The following KATNIP variants were observed in gnomAD, a reference collection of about 807,000 sequenced individuals.
The protein encoded by KATNIP is katanin interacting protein, also known as katanin-interacting protein.
Under a neutral mutation model 174.0 loss-of-function variants are expected in KATNIP, and 126 were observed. The observed-to-expected ratio is 0.72, with a 90% CI of 0.63 to 0.84. The LOEUF is 0.84. Among genes scored for constraint, KATNIP ranks in the 40% least tolerant of loss-of-function variants. The pLI, the probability that KATNIP is intolerant of heterozygous loss-of-function variation, is 0.00. For missense variants in KATNIP, 1,958 were observed against 2,109.7 expected (o/e 0.93, Z 1.41); for synonymous variants, 810 against 835.7 (o/e 0.97, Z 0.53).
intron 5 of KATNIP, among the ~76,000 whole-genome samples, chr16:27,647,823 A>AT (rs1303737111): frequency 1.3e-5 from 2 of 151,878 alleles, no homozygotes; most frequent in African/African-American, 2.4e-5. Flanking sequence ...AATTTTTTAA[A>AT]TTTTTTTGTA....
At chr16:27,694,814 T>G (rs2142945091) in intron 8 of KATNIP, among the ~76,000 whole-genome samples, 1 of 151,864 alleles carries the variant, frequency 6.6e-6, no homozygotes, top group Non-Finnish European at 1.5e-5. Flanking sequence ...AATAAATAAA[T>G]AAATAAATTT....
chr16:27,592,108 C>A (rs1388352573), intron 2 of KATNIP, among the ~76,000 whole-genome samples: 2 of 152,036 alleles, frequency 1.3e-5, no homozygotes, highest in African/African-American at 4.8e-5. Flanking sequence ...CATGACATGC[C>A]ACCCTTCCAG....
chr16:27,660,018 C>T (rs1159024130), intron 6 of KATNIP: 2 of 983,734 alleles, frequency 2.0e-6, no homozygotes, highest in East Asian at 1.1e-4. Context: ...CTGAGGATGT[C>T]GGAGTTTGCG....
At chr16:27,630,935 A>T in intron 4 of KATNIP, 130 bp from the exon 5 acceptor site, 1 of 674,556 alleles carries the variant, frequency 1.5e-6, no homozygotes, top group Non-Finnish European at 2.6e-6. Flanking sequence ...ACCACGCTGT[A>T]GTCAATGTCC....
intron 18 of KATNIP, among the ~76,000 whole-genome samples, chr16:27,759,313 T>G (rs1263699387): frequency 3.9e-5 from 6 of 152,078 alleles, no homozygotes; most frequent in Non-Finnish European, 7.4e-5. Flanking sequence ...GGTAAGGATG[T>G]AGAGAGTGAT....
intron 2 of KATNIP, among the ~76,000 whole-genome samples, chr16:27,613,875 C>T (rs916183493): frequency 2.6e-5 from 4 of 152,142 alleles, no homozygotes; most frequent in African/African-American, 4.8e-5. Context: ...CCTCTGTAGG[C>T]ACCTCCAGAA....
intron 1 of KATNIP, among the ~76,000 whole-genome samples, chr16:27,557,767 T>C (rs2089690271): frequency 6.6e-6 from 1 of 152,202 alleles, no homozygotes; most frequent in African/African-American, 2.4e-5. Context: ...ACAAGTGGGC[T>C]GAAACAGCCC....
intron 16 of KATNIP, among the ~76,000 whole-genome samples, chr16:27,750,855 A>G (rs568939406): frequency 1.4e-5 from 2 of 144,310 alleles, no homozygotes; most frequent in African/African-American, 5.2e-5. Context: ...TCAGCCTCCT[A>G]AGTAGCTGGG....
intron 2 of KATNIP, among the ~76,000 whole-genome samples, chr16:27,597,112 G>T (rs1207523592): frequency 6.6e-6 from 1 of 152,180 alleles, no homozygotes; most frequent in African/African-American, 2.4e-5. Context: ...AGGATTGCTT[G>T]AACCTAATAA....
rs544814697 is a variant in KATNIP, at chr16:27,689,459, G to A, written c.940+7929G>A. On this transcript the variant is annotated intron_variant, in intron 8 of 27. Coordinates refer to ENST00000261588, the MANE Select transcript of KATNIP (RefSeq NM_015202.5). ...TAGGACATTTTGCCACAGATTCTACGGAGGCAGTGTAGAGCAATGGACTGT... is the reference window on the plus strand; with the variant it reads ...TAGGACATTTTGCCACAGATTCTACAGAGGCAGTGTAGAGCAATGGACTGT... 1.8e-4 allele frequency among the ~76,000 whole-genome samples: 28 copies of A among 152,084 alleles called. No homozygotes were observed. The South Asian group carries it at 2.1e-3, about 11-fold the overall frequency.
intron 20 of KATNIP, 81 bp downstream of exon 20, chr16:27,766,555 G>A: frequency 1.4e-6 from 2 of 1,421,340 alleles, no homozygotes; most frequent in Non-Finnish European, 9.6e-7. Context: ...GGCAGCCAGA[G>A]AGGAGCATAA....
chr16:27,744,875 A>G (rs1426882351), intron 15 of KATNIP, among the ~76,000 whole-genome samples: 2 of 152,158 alleles, frequency 1.3e-5, no homozygotes, highest in Non-Finnish European at 2.9e-5. Flanking sequence ...AGATCACGCC[A>G]CTGCACTCCA....
chr16:27,570,154 T>C (rs1264644027), intron 1 of KATNIP, among the ~76,000 whole-genome samples: 1 of 152,082 alleles, frequency 6.6e-6, no homozygotes, highest in African/African-American at 2.4e-5. Context: ...TTAATAAGAG[T>C]GAGGTCTGGT....
At chr16:27,750,618 G>A (rs1329409054) in intron 16 of KATNIP, among the ~76,000 whole-genome samples, 1 of 143,972 alleles carries the variant, frequency 6.9e-6, no homozygotes, top group Non-Finnish European at 1.5e-5. Context: ...TTTTTTAGTA[G>A]AGACAGGGTT....
At chr16:27,670,917 C>T (rs553459458) in intron 6 of KATNIP, among the ~76,000 whole-genome samples, 1 of 152,220 alleles carries the variant, frequency 6.6e-6, no homozygotes, top group African/African-American at 2.4e-5. Context: ...GCTGGCCGGG[C>T]GTAGTGGCTC....
chr16:27,633,418 A>G (rs903953116), intron 5 of KATNIP, among the ~76,000 whole-genome samples: 1 of 149,584 alleles, frequency 6.7e-6, no homozygotes, highest in Non-Finnish European at 1.5e-5. Context: ...TTTTTTATAT[A>G]AAATAAAAAT....
At position 27,677,424 on chromosome 16, in the gene KATNIP, A is replaced by G. The variant is rs182503362; in HGVS notation, c.541-305A>G. ...AACAAGCCCCAGATTTTAACAAACC[A>G]TATTGTCTGTTTCTCTCTCCCTCTC... On this transcript the variant is annotated intron_variant, in intron 6 of 27. Coordinates refer to ENST00000261588, the MANE Select transcript of KATNIP (RefSeq NM_015202.5). Among the ~76,000 whole-genome samples, 207 of 152,166 alleles carry G rather than the reference A, an allele frequency of 1.4e-3. 1 individual carries two copies. The highest frequency in any genetic ancestry group is 4.8e-3 in the African/African-American group (200 of 41,536).
intron 14 of KATNIP, among the ~76,000 whole-genome samples, chr16:27,736,853 G>A (rs941414839): frequency 4.6e-5 from 7 of 152,212 alleles, no homozygotes; most frequent in African/African-American, 1.7e-4. Context: ...GGAGGCGATG[G>A]TGGTGTCTCT....
chr16:27,656,703 A>G (rs1246042067), intron 6 of KATNIP, among the ~76,000 whole-genome samples: 3 of 145,314 alleles, frequency 2.1e-5, no homozygotes, highest in Admixed American at 1.4e-4. Context: ...AAAACCAAAC[A>G]CCGCATATTC....
Sources: gnomAD v4.1 joint callset for allele counts (sites outside exome capture counted in the v4.1 genomes callset) on GRCh38, gnomAD v4.1.1 for gene constraint, MANE v1.5 for transcripts, NCBI Gene and HGNC (gene_info 2026-07-23, HGNC 2026-07-21) for gene names.